The following MAN2A1 variants were observed in gnomAD, a reference collection of about 807,000 sequenced individuals.
MAN2A1 encodes mannosidase alpha class 2A member 1, also known as alpha-mannosidase 2.
Under a neutral mutation model 142.6 loss-of-function variants are expected in MAN2A1, and 76 were observed. That is an observed-to-expected ratio of 0.53 (90% CI 0.44 to 0.65). The LOEUF is 0.65. Ranked by LOEUF, MAN2A1 falls within the 30% of genes least tolerant of loss-of-function variation. MAN2A1 has a pLI of 0.00. For missense variants in MAN2A1, 1,311 were observed against 1,365.1 expected (o/e 0.96, Z 0.62); for synonymous variants, 559 against 473.2 (o/e 1.18, Z -2.35).
chr5:109,715,122 A>G lies in MAN2A1; in HGVS notation c.391-998A>G, dbSNP rs181731508. On this transcript the variant is annotated intron_variant, in intron 2 of 21. Coordinates refer to ENST00000261483, the MANE Select transcript of MAN2A1 (RefSeq NM_002372.4). ...CTGGGAGAGCTGCAGGACTGAAGGA[A>G]GAAACAGACACTGCTAACACATCCT... is the stretch of plus-strand genomic sequence containing the variant. 1.4e-3 allele frequency among the ~76,000 whole-genome samples: 220 copies of G among 152,214 alleles called. 1 individual carries two copies. The highest frequency in any genetic ancestry group is 4.4e-3 in the African/African-American group (183 of 41,562).
chr5:109,773,392 C>T (rs1753199874), intron 7 of MAN2A1, among the ~76,000 whole-genome samples: 1 of 151,944 alleles, frequency 6.6e-6, no homozygotes, highest in African/African-American at 2.4e-5. Flanking sequence ...ATGCTGGCTG[C>T]CTAGGAAATC....
At chr5:109,865,513 A>G (rs1008608719) in intron 21 of MAN2A1, 3 of 203,228 alleles carry the variant, frequency 1.5e-5, no homozygotes, top group South Asian at 8.8e-5. Flanking sequence ...TAAGTCCTAC[A>G]GAGGCCAAGG....
In MAN2A1 at chr5:109,773,557, G is replaced by A. The variant is rs919923941; in HGVS notation, c.1197-1231G>A. Reference sequence around the variant, plus strand: ...AAAAGTGTTTTGGCAAATGTGGAATGTTAGTAAATTACTAGTAAAGATAAA... The same window carrying A: ...AAAAGTGTTTTGGCAAATGTGGAATATTAGTAAATTACTAGTAAAGATAAA... On this transcript the variant is annotated intron_variant, in intron 7 of 21. Coordinates refer to ENST00000261483, the MANE Select transcript of MAN2A1 (RefSeq NM_002372.4). Among the ~76,000 whole-genome samples the A allele has an allele frequency of 2.0e-5, 3 of 151,956 alleles. No individual in the cohort carries two copies. The East Asian group carries it at 5.8e-4, about 29-fold the overall frequency.
At chr5:109,736,751 A>G (rs1047631973) in intron 4 of MAN2A1, among the ~76,000 whole-genome samples, 1 of 151,844 alleles carries the variant, frequency 6.6e-6, no homozygotes, top group East Asian at 1.9e-4. Flanking sequence ...CCCTCCTAGA[A>G]CCTGTTTATA....
At chr5:109,725,506 A>G (rs1751719935) in intron 3 of MAN2A1, among the ~76,000 whole-genome samples, 1 of 152,220 alleles carries the variant, frequency 6.6e-6, no homozygotes, top group South Asian at 2.1e-4. Flanking sequence ...TAAGAATCCC[A>G]GTAGGCTTCC....
intron 16 of MAN2A1, among the ~76,000 whole-genome samples, chr5:109,834,955 C>T (rs1011540561): frequency 1.3e-5 from 2 of 151,814 alleles, no homozygotes; most frequent in African/African-American, 4.8e-5. Flanking sequence ...TATTTTGGTA[C>T]TTTCAGATAT....
In MAN2A1 at chr5:109,778,505, G is replaced by A. The variant is rs926000224; in HGVS notation, c.1375-2891G>A. The stretch of plus-strand genomic sequence containing the variant: ...TTGTAGATTCCCTTTATCAGATTAT[G>A]GAATTTTCCTTATATTCCTCATTTA... On this transcript the variant is annotated intron_variant, in intron 8 of 21. Transcript: ENST00000261483. Among the ~76,000 whole-genome samples the A allele has an allele frequency of 9.2e-4, 140 of 152,056 alleles. 1 individual carries two copies. The highest frequency in any genetic ancestry group is 3.3e-3 in the African/African-American group (135 of 41,526).
At chr5:109,694,659 T>TG (rs1158757970) in intron 1 of MAN2A1, among the ~76,000 whole-genome samples, 2 of 69,066 alleles carry the variant, frequency 2.9e-5, no homozygotes, top group Admixed American at 1.3e-4. Flanking sequence ...GCCTTTTGTG[T>TG]TTTTTTTTTT....
Position 109,820,354 on chromosome 5 carries a change from T to C in MAN2A1, c.2451+12T>C. 6.3e-7 allele frequency: 1 copy of C among 1,598,438 alleles called. No individual in the cohort carries two copies. The highest frequency in any genetic ancestry group is 8.5e-7 in the Non-Finnish European group (1 of 1,174,770). On this transcript the variant is annotated intron_variant, in intron 15 of 21. Transcript: ENST00000261483. ...ATGGTAATGCCAAGGTAAGTGGTACTGATGAGATGACAAATGGAATAAACA... is the reference window on the plus strand; with the variant it reads ...ATGGTAATGCCAAGGTAAGTGGTACCGATGAGATGACAAATGGAATAAACA...
intron 7 of MAN2A1, among the ~76,000 whole-genome samples, chr5:109,770,920 A>G (rs907310027): frequency 2.0e-5 from 3 of 152,224 alleles, no homozygotes; most frequent in African/African-American, 7.2e-5. Context: ...GCAAAAACAC[A>G]TTTATTGAAA....
Position 109,690,358 on chromosome 5 carries a change from C to T in MAN2A1, c.-60C>T, listed in dbSNP as rs758564012. 6.3e-7 allele frequency: 1 copy of T among 1,597,336 alleles called. No individual in the cohort carries two copies. Among genetic ancestry groups the T allele is most frequent in the Non-Finnish European group, 8.6e-7 (1 of 1,165,064 alleles). ...CCTCCGGCGGCTGCTTCCTAGAGTC[C>T]ACAGTGCGCTGTCTCCTTTGGCTGA... On this transcript the variant is annotated 5_prime_UTR_variant, in exon 1 of 22. Coordinates refer to ENST00000261483, the MANE Select transcript of MAN2A1 (RefSeq NM_002372.4).
rs544727119 is a variant in MAN2A1, at chr5:109,729,283, C to G, written c.536-59C>G. On this transcript the variant is annotated intron_variant, in intron 3 of 21. Transcript: ENST00000261483. ...TCCAAAGTAATGCAATGGAATGTGA[C>G]TGAGTTGAAATCAGCCATACGAATT... is the stretch of plus-strand genomic sequence containing the variant. 26 of 1,087,342 alleles carry G rather than the reference C, an allele frequency of 2.4e-5. No homozygotes were observed. In the African/African-American group the frequency reaches 3.7e-4, roughly 16 times the overall value. The allele number at this position is 1,087,342 out of a possible 1,614,324, so 67.4% of individuals were successfully genotyped here. A position where few individuals can be genotyped will look rare whatever the true frequency, so the allele number is the denominator to read the frequency against.
chr5:109,797,337 G>A (rs1287908712), intron 12 of MAN2A1, among the ~76,000 whole-genome samples: 1 of 152,064 alleles, frequency 6.6e-6, no homozygotes, highest in Non-Finnish European at 1.5e-5. Flanking sequence ...GTGAAACACT[G>A]AAACAAAAAG....
chr5:109,748,959 T>A (rs1276830193), intron 4 of MAN2A1, among the ~76,000 whole-genome samples: 1 of 151,788 alleles, frequency 6.6e-6, no homozygotes, highest in Non-Finnish European at 1.5e-5. Context: ...ACAATCTGAT[T>A]AGCAGAATGT....
At chr5:109,830,823 A>G (rs1339624045) in intron 16 of MAN2A1, among the ~76,000 whole-genome samples, 1 of 152,224 alleles carries the variant, frequency 6.6e-6, no homozygotes, top group Non-Finnish European at 1.5e-5. Flanking sequence ...GAATCTGATC[A>G]TTCCCTACAG....
chr5:109,725,738 C>A (rs1356277316), intron 3 of MAN2A1, among the ~76,000 whole-genome samples: 1 of 152,078 alleles, frequency 6.6e-6, no homozygotes, highest in Admixed American at 6.5e-5. Context: ...ACTAAATGTT[C>A]CTGAAGAGCA....
chr5:109,808,425 C>T (rs1754229137), intron 12 of MAN2A1, among the ~76,000 whole-genome samples: 1 of 151,948 alleles, frequency 6.6e-6, no homozygotes, highest in South Asian at 2.1e-4. Flanking sequence ...TATTTCACTG[C>T]TTATTCTTTG....
intron 1 of MAN2A1, among the ~76,000 whole-genome samples, chr5:109,706,059 T>A (rs1466389448): frequency 6.6e-6 from 1 of 152,226 alleles, no homozygotes; most frequent in Non-Finnish European, 1.5e-5. Flanking sequence ...GACAGGGATA[T>A]CTTTGACTAA....
chr5:109,802,170 T>G (rs747075940), intron 12 of MAN2A1, among the ~76,000 whole-genome samples: 5 of 152,204 alleles, frequency 3.3e-5, no homozygotes, highest in African/African-American at 4.8e-5. Flanking sequence ...CTAAGTGACC[T>G]GTGATTTATA....
Sources: gnomAD v4.1 joint callset for allele counts (sites outside exome capture counted in the v4.1 genomes callset) on GRCh38, gnomAD v4.1.1 for gene constraint, MANE v1.5 for transcripts, NCBI Gene and HGNC (gene_info 2026-07-23, HGNC 2026-07-21) for gene names.